NUP210L: variants seen among roughly 807,000 people sequenced by gnomAD.
NUP210L encodes the protein nuclear pore membrane glycoprotein 210-like.
In NUP210L, 74 loss-of-function variants were observed where a neutral mutation model predicts 208.5. That is an observed-to-expected ratio of 0.35 (90% CI 0.29 to 0.43). The LOEUF (loss-of-function observed/expected upper bound fraction) is 0.43. Ranked by LOEUF, NUP210L falls within the 20% of genes least tolerant of loss-of-function variation. The pLI, the probability that NUP210L is intolerant of heterozygous loss-of-function variation, is 1.00. For missense variants in NUP210L, 1,843 were observed against 2,289.4 expected (o/e 0.81, Z 3.98); for synonymous variants, 780 against 816.9 (o/e 0.95, Z 0.77).
chr1:154,109,494 T>C (rs1656936169), intron 12 of NUP210L, among the ~76,000 whole-genome samples: 1 of 151,380 alleles, frequency 6.6e-6, no homozygotes, highest in African/African-American at 2.5e-5. Context: ...TCCAGACAGA[T>C]AATCAACAAA....
chr1:154,066,625 A>ACAAACAAAAAAT (rs1158668535), intron 17 of NUP210L, among the ~76,000 whole-genome samples: 2 of 152,158 alleles, frequency 1.3e-5, no homozygotes, highest in Non-Finnish European at 2.9e-5. Context: ...AAACAAACAA[A>ACAAACAAAAAAT]CAAACAAAAA....
intron 38 of NUP210L, among the ~76,000 whole-genome samples, chr1:153,993,498 G>A (rs1385865372): frequency 7.9e-5 from 12 of 151,846 alleles, no homozygotes; most frequent in African/African-American, 2.4e-4. Flanking sequence ...CCTGGGAGGC[G>A]GAGCTTGTAG....
At chr1:154,135,419 TATA>T (rs993907663) in intron 7 of NUP210L, among the ~76,000 whole-genome samples, 45 of 152,034 alleles carry the variant, frequency 3.0e-4, no homozygotes, top group African/African-American at 1.0e-3. Context: ...GTAGTAGTAT[TATA>T]ATCTTTTTTT....
intron 35 of NUP210L, among the ~76,000 whole-genome samples, chr1:154,004,464 T>C (rs1650393113): frequency 6.6e-6 from 1 of 151,482 alleles, no homozygotes; most frequent in African/African-American, 2.4e-5. Context: ...GCCTCCCTGG[T>C]TCAAGTGATT....
chr1:154,118,202 C>T (rs760235002), intron 11 of NUP210L, among the ~76,000 whole-genome samples: 46 of 151,872 alleles, frequency 3.0e-4, no homozygotes, highest in Admixed American at 1.4e-3. Flanking sequence ...CCAGCTACTC[C>T]GGAGGCTGAG....
intron 7 of NUP210L, among the ~76,000 whole-genome samples, chr1:154,134,636 C>T (rs1321071169): frequency 7.4e-6 from 1 of 136,036 alleles, no homozygotes; most frequent in African/African-American, 2.7e-5. Context: ...ACTCGGGAGG[C>T]TGAGGCAGGA....
chr1:154,084,213 A>ATT (rs757068435), intron 16 of NUP210L, among the ~76,000 whole-genome samples: 29 of 124,790 alleles, frequency 2.3e-4, no homozygotes, highest in African/African-American at 4.1e-4. Context: ...CTAATTTTTA[A>ATT]TTTTTTTTTT....
At chr1:154,127,416 A>T in exon 9 of NUP210L, 2 of 1,468,628 alleles carry the variant, frequency 1.4e-6, no homozygotes, top group Non-Finnish European at 1.9e-6. Flanking sequence ...GGACAGTGAA[A>T]CCTATACACA....
At chr1:154,060,082 T>C (rs1365647061) in intron 20 of NUP210L, among the ~76,000 whole-genome samples, 1 of 152,070 alleles carries the variant, frequency 6.6e-6, no homozygotes, top group Non-Finnish European at 1.5e-5. Context: ...CTACTAAAAA[T>C]ACAAAAATTA....
At chr1:154,060,123 C>A (rs370150717) in intron 20 of NUP210L, among the ~76,000 whole-genome samples, 129 of 152,204 alleles carry the variant, frequency 8.5e-4, no homozygotes, top group Non-Finnish European at 1.6e-3. Flanking sequence ...CCTGTAATCC[C>A]AGCTACTCAG....
chr1:154,091,720 C>G (rs1268605657), intron 15 of NUP210L, among the ~76,000 whole-genome samples: 2 of 151,528 alleles, frequency 1.3e-5, no homozygotes, highest in South Asian at 4.2e-4. Flanking sequence ...AGGCTGGTCT[C>G]GAACTCCTGA....
intron 12 of NUP210L, among the ~76,000 whole-genome samples, chr1:154,111,636 C>T (rs937239595): frequency 4.0e-5 from 6 of 151,426 alleles, no homozygotes; most frequent in Admixed American, 3.9e-4. Context: ...GAGATCGAAG[C>T]TGCAATAAAA....
At chr1:154,012,634 C>T (rs1409538815) in intron 33 of NUP210L, among the ~76,000 whole-genome samples, 1 of 151,918 alleles carries the variant, frequency 6.6e-6, no homozygotes, top group African/African-American at 2.4e-5. Context: ...CCTCAAATTC[C>T]TAGGCTCAAG....
rs1049610892 is a variant in NUP210L, at chr1:154,065,001, G to A, written c.2555-3327C>T. 5.3e-5 allele frequency among the ~76,000 whole-genome samples: 8 copies of A among 151,394 alleles called. No homozygotes were observed. The East Asian group carries it at 7.8e-4, about 15-fold the overall frequency. Reference sequence around the variant, plus strand: ...TGAGGCAGGAGAATCGCTTGAAACCGGGAGGTAGAGGTTGCAATGAGCCGA... The same window carrying A: ...TGAGGCAGGAGAATCGCTTGAAACCAGGAGGTAGAGGTTGCAATGAGCCGA... On this transcript the variant is annotated intron_variant, in intron 17 of 39. Coordinates refer to ENST00000368559, the Ensembl canonical transcript of NUP210L.
At chr1:154,013,014 A>AAAC (rs796284223) in intron 33 of NUP210L, among the ~76,000 whole-genome samples, 10 of 150,042 alleles carry the variant, frequency 6.7e-5, no homozygotes, top group African/African-American at 2.5e-4. Flanking sequence ...ATCAAAAAAA[A>AAAC]AAAAAAAAAA....
chr1:154,017,507 G>GTTTC (rs1242081693), intron 33 of NUP210L, among the ~76,000 whole-genome samples: 2 of 141,206 alleles, frequency 1.4e-5, no homozygotes, highest in African/African-American at 5.2e-5. Context: ...TTCACTGGTT[G>GTTTC]TTTCTTTCTT....
chr1:154,018,978 T>C (rs1651411404), exon 33 of NUP210L: 1 of 1,614,062 alleles, frequency 6.2e-7, no homozygotes, highest in Admixed American at 1.7e-5. Context: ...GAAAAATCAT[T>C]GCAGTCCCCG....
At chr1:154,013,325 G>C (rs953702724) in intron 33 of NUP210L, among the ~76,000 whole-genome samples, 1 of 152,176 alleles carries the variant, frequency 6.6e-6, no homozygotes, top group Middle Eastern at 3.2e-3. Flanking sequence ...TGTAATCCCA[G>C]CACTCTGGGA....
chr1:154,023,232 G>C, exon 31 of NUP210L: 1 of 1,613,946 alleles, frequency 6.2e-7, no homozygotes, highest in Non-Finnish European at 8.5e-7. Context: ...ATGCTGACAG[G>C]GTCCTTCCTT....
Sources: allele counts gnomAD v4.1 joint callset (sites outside exome capture counted in the v4.1 genomes callset), GRCh38; gene constraint gnomAD v4.1.1; transcripts MANE v1.5; gene names NCBI Gene and HGNC (gene_info 2026-07-23, HGNC 2026-07-21).